CALCR: variants seen among roughly 807,000 people sequenced by gnomAD.
CALCR encodes the protein calcitonin receptor.
A neutral mutation model predicts 59.5 loss-of-function variants in CALCR; 47 were observed. The ratio of observed to expected loss-of-function variants is 0.79; its 90% CI spans 0.63 to 1.01. The LOEUF (loss-of-function observed/expected upper bound fraction) is 1.01, where lower values mean the gene tolerates loss of function less well. CALCR is among the 50% of genes least tolerant of loss of function. The probability of loss-of-function intolerance (pLI) is 0.00; values close to 1 mark genes in which losing one functional copy is unlikely to be tolerated. For synonymous variants in CALCR, 213 were observed against 211.3 expected (o/e 1.01, Z -0.07); for missense variants, 566 against 597.1 (o/e 0.95, Z 0.54).
intron 9 of CALCR, among the ~76,000 whole-genome samples, chr7:93,439,806 C>A (rs1799863017): frequency 6.6e-6 from 1 of 152,030 alleles, no homozygotes; most frequent in African/African-American, 2.4e-5. Context: ...GGAAAACCAG[C>A]AAGGCAAGGC....
At chr7:93,528,554 T>A (rs1413966788) in intron 2 of CALCR, among the ~76,000 whole-genome samples, 1 of 152,204 alleles carries the variant, frequency 6.6e-6, no homozygotes, top group East Asian at 1.9e-4. Flanking sequence ...TGCGATAGTT[T>A]GCCGAGAATG....
chr7:93,501,312 G>T (rs999306469), intron 2 of CALCR, among the ~76,000 whole-genome samples: 3 of 152,042 alleles, frequency 2.0e-5, no homozygotes, highest in East Asian at 1.9e-4. Flanking sequence ...GTCCTTGTGA[G>T]AAACTTGCAT....
chr7:93,447,455 G>A (rs1380638591), intron 8 of CALCR, among the ~76,000 whole-genome samples: 1 of 151,952 alleles, frequency 6.6e-6, no homozygotes, highest in Non-Finnish European at 1.5e-5. Context: ...TTTTGTTTTT[G>A]AGAAACAAGA....
chr7:93,557,494 C>T (rs969754073), intron 2 of CALCR, among the ~76,000 whole-genome samples: 7 of 151,692 alleles, frequency 4.6e-5, no homozygotes, highest in African/African-American at 1.7e-4. Context: ...TTCTATACAT[C>T]GTGAATACTT....
chr7:93,566,204 AT>A (rs1158433239), intron 2 of CALCR, among the ~76,000 whole-genome samples: 1 of 152,226 alleles, frequency 6.6e-6, no homozygotes, highest in African/African-American at 2.4e-5. Flanking sequence ...GGGACAGACA[AT>A]AAAAACCTAT....
chr7:93,530,434 C>T (rs145222945), intron 2 of CALCR, among the ~76,000 whole-genome samples: 42 of 152,050 alleles, frequency 2.8e-4, no homozygotes, highest in African/African-American at 8.9e-4. Flanking sequence ...ACTTTAATGC[C>T]GCATCACTCA....
At chr7:93,524,674 A>G (rs1371784533) in intron 2 of CALCR, among the ~76,000 whole-genome samples, 15 of 152,158 alleles carry the variant, frequency 9.9e-5, no homozygotes, top group Admixed American at 8.5e-4. Context: ...GAAGGCTCAC[A>G]TATGTAATTG....
At chr7:93,437,592 C>T (rs1472057826) in intron 11 of CALCR, among the ~76,000 whole-genome samples, 2 of 152,178 alleles carry the variant, frequency 1.3e-5, no homozygotes, top group East Asian at 1.9e-4. Context: ...CAGTAAGCAT[C>T]TGACATTTGG....
At chr7:93,482,110 G>T (rs186735538) in intron 3 of CALCR, among the ~76,000 whole-genome samples, 292 of 151,974 alleles carry the variant, frequency 1.9e-3, no homozygotes, top group African/African-American at 6.6e-3. Context: ...TAATGGAATT[G>T]GAACACGATT....
intron 3 of CALCR, among the ~76,000 whole-genome samples, chr7:93,485,792 A>G (rs2115925337): frequency 6.6e-6 from 1 of 151,696 alleles, no homozygotes; most frequent in Non-Finnish European, 1.5e-5. Context: ...TAATTTATCT[A>G]AAGAAATATT....
At chr7:93,498,212 A>G (rs1421561847) in intron 2 of CALCR, among the ~76,000 whole-genome samples, 1 of 151,726 alleles carries the variant, frequency 6.6e-6, no homozygotes, top group Non-Finnish European at 1.5e-5. Context: ...TGAGTACCAC[A>G]TCCTGTGTAA....
intron 13 of CALCR, among the ~76,000 whole-genome samples, chr7:93,429,062 T>G (rs1799593748): frequency 6.6e-6 from 1 of 152,232 alleles, no homozygotes; most frequent in Non-Finnish European, 1.5e-5. Context: ...CTATTTTAAT[T>G]TTTAAAAGTT....
rs549215658 is a variant in CALCR at position 93,433,476 on chromosome 7, G to A, written c.1191+777C>T. 2.6e-5 allele frequency among the ~76,000 whole-genome samples: 4 copies of A among 152,300 alleles called. No individual in the cohort carries two copies. In the East Asian group the frequency reaches 5.8e-4, roughly 22 times the overall value. ...TTTAATTGAAAAACAGGAAATCTGT[G>A]TTCCAGTCTGGGTTATAACCATAAG... is the stretch of plus-strand genomic sequence containing the variant. On this transcript the variant is annotated intron_variant, in intron 13 of 13. Coordinates refer to ENST00000426151, the MANE Select transcript of CALCR (RefSeq NM_001742.4).
rs1049406454 is a variant in CALCR, at chr7:93,426,432, T to C, written c.1349A>G (p.Glu450Gly). 3 of 1,613,860 alleles carry C rather than the reference T, an allele frequency of 1.9e-6. No individual in the cohort carries two copies. In the African/African-American group the frequency reaches 4.0e-5, roughly 22 times the overall value. The change falls in exon 14 of 14, where the codon GAA becomes GGA. Residue 450 changes from glutamate to glycine, a missense_variant. Coordinates refer to ENST00000426151, the MANE Select transcript of CALCR (RefSeq NM_001742.4). ...CTCCTCGCCTTGGTTGTTGGCTGGTTCATTCCTCAGCTCCTGATGGCAGAT... is the reference window on the plus strand; with the variant it reads ...CTCCTCGCCTTGGTTGTTGGCTGGTCCATTCCTCAGCTCCTGATGGCAGAT... Reference protein sequence around the residue: ...IYICHQELRNEPANNQGEESA... With the variant: ...IYICHQELRNGPANNQGEESA...
rs117180664 is a variant in CALCR at position 93,486,350 on chromosome 7, A to G, written c.51+581T>C. ...TTGCTAAATCTTTTAGGAATAAAACAATATAGAATTACACAAACTGAACAT... is the reference window on the plus strand; with the variant it reads ...TTGCTAAATCTTTTAGGAATAAAACGATATAGAATTACACAAACTGAACAT... On this transcript the variant is annotated intron_variant, in intron 3 of 13. Coordinates refer to ENST00000426151, the MANE Select transcript of CALCR (RefSeq NM_001742.4). 7.2e-4 allele frequency among the ~76,000 whole-genome samples: 109 copies of G among 151,786 alleles called. 1 individual carries two copies. The East Asian group carries it at 0.016, about 22-fold the overall frequency.
intron 2 of CALCR, among the ~76,000 whole-genome samples, chr7:93,515,053 A>C (rs1383084661): frequency 1.3e-5 from 2 of 152,060 alleles, no homozygotes; most frequent in Non-Finnish European, 2.9e-5. Context: ...ATTCAAATAC[A>C]TCTTCAAGTG....
intron 2 of CALCR, among the ~76,000 whole-genome samples, chr7:93,541,589 A>G (rs1366405561): frequency 6.6e-6 from 1 of 152,214 alleles, no homozygotes; most frequent in African/African-American, 2.4e-5. Context: ...TACTTTTATT[A>G]TTAAAAAAAT....
chr7:93,562,428 AC>A (rs1789770885), intron 2 of CALCR, among the ~76,000 whole-genome samples: 1 of 152,268 alleles, frequency 6.6e-6, no homozygotes, highest in African/African-American at 2.4e-5. Flanking sequence ...AACAACAACA[AC>A]AACAACAACA....
intron 2 of CALCR, among the ~76,000 whole-genome samples, chr7:93,532,595 C>T (rs995715380): frequency 1.3e-5 from 2 of 151,878 alleles, no homozygotes; most frequent in Non-Finnish European, 2.9e-5. Context: ...GGCTGATATA[C>T]ATGAAACAAA....
Sources: gnomAD v4.1 joint callset for allele counts (sites outside exome capture counted in the v4.1 genomes callset) on GRCh38, gnomAD v4.1.1 for gene constraint, MANE v1.5 for transcripts, NCBI Gene and HGNC (gene_info 2026-07-23, HGNC 2026-07-21) for gene names.